The following TTC17 variants were observed in gnomAD, a reference collection of about 807,000 sequenced individuals.
The protein encoded by TTC17 is tetratricopeptide repeat domain 17, also known as tetratricopeptide repeat protein 17.
TTC17 carries 58 observed loss-of-function variants against 143.8 expected under a neutral mutation model. The ratio of observed to expected loss-of-function variants is 0.40; its 90% CI spans 0.33 to 0.50. The LOEUF is 0.50. Among genes scored for constraint, TTC17 ranks in the 20% least tolerant of loss-of-function variants. TTC17 has a pLI of 0.49. For synonymous variants in TTC17, 501 were observed against 497.8 expected, an observed-to-expected ratio of 1.01 and a Z score of -0.09; for missense variants, 1,273 against 1,392.5, an observed-to-expected ratio of 0.91 and a Z score of 1.37.
chr11:43,459,687 A>G (rs1312466491), intron 21 of TTC17, among the ~76,000 whole-genome samples: 1 of 152,222 alleles, frequency 6.6e-6, no homozygotes, highest in Non-Finnish European at 1.5e-5. Flanking sequence ...GTGGTCGTCC[A>G]CTTATGATGG....
intron 1 of TTC17, among the ~76,000 whole-genome samples, chr11:43,378,363 CT>C (rs1358871534): frequency 2.0e-5 from 3 of 152,186 alleles, no homozygotes; most frequent in Non-Finnish European, 4.4e-5. Flanking sequence ...GCACTTTCTC[CT>C]GCTTCCTTAT....
intron 2 of TTC17, among the ~76,000 whole-genome samples, chr11:43,380,729 T>A (rs1285518016): frequency 6.6e-6 from 1 of 152,222 alleles, no homozygotes; most frequent in African/African-American, 2.4e-5. Context: ...CTTTAGCACA[T>A]GGTAACCAGC....
intron 9 of TTC17, among the ~76,000 whole-genome samples, chr11:43,400,500 C>T (rs1171147635): frequency 6.6e-6 from 1 of 152,118 alleles, no homozygotes; most frequent in East Asian, 1.9e-4. Context: ...AGGCCTTACA[C>T]TAAGTGAATA....
At chr11:43,401,334 C>A in intron 9 of TTC17, 112 bp from the exon 10 acceptor site, 1 of 626,190 alleles carries the variant, frequency 1.6e-6, no homozygotes, top group Non-Finnish European at 2.8e-6. Context: ...ACGTAAGTAG[C>A]CTGCTAGGCT....
At chr11:43,464,018 A>C (rs889732119) in intron 21 of TTC17, among the ~76,000 whole-genome samples, 3 of 152,142 alleles carry the variant, frequency 2.0e-5, no homozygotes, top group Non-Finnish European at 4.4e-5. Context: ...GCTCCTGCCT[A>C]TAATCCCAGC....
rs201686648 is a variant in TTC17, at chr11:43,492,172, G to C, written c.3294+9G>C. ...ATGTCTACGTGGCAATGGTGAGATG[G>C]GGGTGTGAGCAGTATGTACCAACTC... On this transcript the variant is annotated intron_variant, in intron 23 of 23. Transcript: ENST00000039989. 3.1e-6 allele frequency: 5 copies of C among 1,613,808 alleles called. No individual in the cohort carries two copies. The African/African-American group carries it at 6.7e-5, about 22-fold the overall frequency.
intron 1 of TTC17, among the ~76,000 whole-genome samples, chr11:43,375,106 T>C (rs1446960026): frequency 6.6e-6 from 1 of 152,248 alleles, no homozygotes; most frequent in Non-Finnish European, 1.5e-5. Context: ...GGATCAGTTT[T>C]TCTGTTTTTG....
rs953735806 is a variant in TTC17 at position 43,369,912 on chromosome 11, G to A, written c.160-9321G>A. Among the ~76,000 whole-genome samples the A allele has an allele frequency of 3.3e-5, 5 of 151,928 alleles. No homozygotes were observed. In the South Asian group the frequency reaches 6.2e-4, roughly 19 times the overall value. On this transcript the variant is annotated intron_variant, in intron 1 of 23. Coordinates refer to ENST00000039989, the MANE Select transcript of TTC17 (RefSeq NM_018259.6). ...ATTATAGGCTTGAGCCACTGCACCC[G>A]GCCTCTGATTTTTCAAAAATACTGT...
In TTC17 at chr11:43,451,319, T is replaced by C. The variant is rs1050418378; in HGVS notation, c.3030+54T>C. The stretch of plus-strand genomic sequence containing the variant: ...CAATTGCCCTCCTTCTAACTTCTTT[T>C]CTAAGTTATTTGCTCCTAAGTGTCT... On this transcript the variant is annotated intron_variant, in intron 21 of 23. Transcript: ENST00000039989. 14 of 1,535,492 alleles carry C rather than the reference T, an allele frequency of 9.1e-6. No homozygotes were observed. In the African/African-American group the frequency reaches 1.4e-4, roughly 15 times the overall value.
chr11:43,360,192 T>A (rs1274394545), intron 1 of TTC17, among the ~76,000 whole-genome samples: 6 of 152,250 alleles, frequency 3.9e-5, no homozygotes, highest in African/African-American at 1.4e-4. Context: ...TGCCGTGTAA[T>A]GTAATTGCAA....
chr11:43,469,364 A>C (rs1191409468), intron 21 of TTC17, among the ~76,000 whole-genome samples: 1 of 152,206 alleles, frequency 6.6e-6, no homozygotes, highest in Non-Finnish European at 1.5e-5. Flanking sequence ...TTGCTGCTAG[A>C]AATGTATCAA....
At chr11:43,405,672 T>C in intron 12 of TTC17, 43 bp downstream of exon 12, 1 of 1,611,870 alleles carries the variant, frequency 6.2e-7, no homozygotes, top group Non-Finnish European at 8.5e-7. Context: ...TTCTGCATGA[T>C]TGTCATCTAG....
At chr11:43,437,734 T>C (rs1462646353) in intron 16 of TTC17, among the ~76,000 whole-genome samples, 8 of 152,202 alleles carry the variant, frequency 5.3e-5, no homozygotes, top group Admixed American at 4.6e-4. Context: ...GGAGTCAAAG[T>C]CTTTACAAAC....
At chr11:43,412,873 C>A (rs1474725324) in intron 15 of TTC17, among the ~76,000 whole-genome samples, 1 of 152,000 alleles carries the variant, frequency 6.6e-6, no homozygotes, top group South Asian at 2.1e-4. Flanking sequence ...CTCTGTAAAT[C>A]AATTTATAGA....
At chr11:43,451,411 G>A in intron 21 of TTC17, 146 bp downstream of exon 21, 1 of 668,118 alleles carries the variant, frequency 1.5e-6, no homozygotes, top group Non-Finnish European at 2.6e-6. Context: ...ACTCCCCTCA[G>A]AATGTTTCAG....
At chr11:43,470,915 A>G (rs1452026415) in intron 21 of TTC17, among the ~76,000 whole-genome samples, 1 of 152,232 alleles carries the variant, frequency 6.6e-6, no homozygotes, top group African/African-American at 2.4e-5. Flanking sequence ...TTTCCTGTTT[A>G]CTAAAGGGTC....
At chr11:43,379,442 G>C (rs1856880738) in intron 2 of TTC17, 120 bp downstream of exon 2, 2 of 775,052 alleles carry the variant, frequency 2.6e-6, no homozygotes, top group African/African-American at 3.6e-5. Flanking sequence ...ACTTTTGCGG[G>C]AATATACTAC....
At chr11:43,381,828 G>A (rs781301932) in intron 2 of TTC17, among the ~76,000 whole-genome samples, 1 of 152,160 alleles carries the variant, frequency 6.6e-6, no homozygotes, top group Non-Finnish European at 1.5e-5. Context: ...AATACTTCAG[G>A]GTTTCTGACC....
intron 18 of TTC17, among the ~76,000 whole-genome samples, chr11:43,447,405 A>G (rs1238860078): frequency 6.6e-6 from 1 of 151,774 alleles, no homozygotes; most frequent in Non-Finnish European, 1.5e-5. Flanking sequence ...TAACATCATT[A>G]CTCCCTGCTG....
Sources: gnomAD v4.1 joint callset for allele counts (sites outside exome capture counted in the v4.1 genomes callset) on GRCh38, gnomAD v4.1.1 for gene constraint, MANE v1.5 for transcripts, NCBI Gene and HGNC (gene_info 2026-07-23, HGNC 2026-07-21) for gene names.